Variants in PDZD7 observed in about 807,000 individuals in gnomAD.
PDZD7 encodes the protein PDZ domain-containing protein 7.
In PDZD7, 72 loss-of-function variants were observed where a neutral mutation model predicts 84.7. The ratio of observed to expected loss-of-function variants is 0.85; its 90% confidence interval spans 0.70 to 1.03. The LOEUF is 1.03. PDZD7 is among the 50% of genes least tolerant of loss of function. The probability of loss-of-function intolerance (pLI) is 0.00; values close to 1 mark genes in which losing one functional copy is unlikely to be tolerated. For missense variants in PDZD7, 1,490 were observed against 1,412.9 expected (o/e 1.05, Z -0.87); for synonymous variants, 594 against 580.7 (o/e 1.02, Z -0.33).
chr10:101,010,556 C>CTGCGGT lies in PDZD7; in HGVS notation c.2332_2333insACCGCA (p.Arg777_Ser778insAsnArg), dbSNP rs756272628. The CTGCGGT allele has an allele frequency of 6.7e-7, 1 of 1,491,748 alleles. No homozygotes were observed. Among genetic ancestry groups the CTGCGGT allele is most frequent in the Non-Finnish European group, 9.0e-7 (1 of 1,109,538 alleles). The allele number at this position is 1,491,748 out of a possible 1,614,324, so 92.4% of individuals were successfully genotyped here. Reference sequence around the variant, plus strand: ...CCGGCTGCTGCGGCTGCGGCTGCGGCTACGGCTGCGGCTACGGCTCTGAGC... The same window carrying CTGCGGT: ...CCGGCTGCTGCGGCTGCGGCTGCGGCTGCGGTTACGGCTGCGGCTACGGCTCTGAGC... On this transcript the variant is annotated inframe_insertion, in exon 15 of 17. Coordinates refer to ENST00000619208, the MANE Select transcript of PDZD7 (RefSeq NM_001195263.2).
At chr10:101,017,845 A>AAGAG (rs1491313324) in intron 9 of PDZD7, 1 of 320,624 alleles carries the variant, frequency 3.1e-6, no homozygotes, top group African/African-American at 4.6e-5. Flanking sequence ...GAAGGAAAGA[A>AAGAG]AGAAAGAAAG....
At chr10:101,030,458 C>T (rs917770991) in intron 1 of PDZD7, 74 bp from the exon 2 acceptor site, 14 of 649,496 alleles carry the variant, frequency 2.2e-5, no homozygotes, top group African/African-American at 1.6e-4. Context: ...TCCACCCCTC[C>T]CCCTGGTTTA....
chr10:101,010,834 C>T lies in PDZD7; in HGVS notation c.2055G>A (p.Glu685=). ...YLLPVNGFPE[E]EDNGELRERL... Reference sequence around the variant, plus strand: ...GCTCCCTCAGCTCCCCATTATCTTCCTCTTCCGGGAAGCCGTTCACCGGCA... The same window carrying T: ...GCTCCCTCAGCTCCCCATTATCTTCTTCTTCCGGGAAGCCGTTCACCGGCA... Residue 685 remains glutamate, a synonymous_variant, in exon 15 of 17, where the codon GAG becomes GAA. Transcript: ENST00000619208. 6.5e-7 allele frequency: 1 copy of T among 1,535,042 alleles called. No homozygotes were observed. The highest frequency in any genetic ancestry group is 8.7e-7 in the Non-Finnish European group (1 of 1,146,904).
At chr10:101,021,734 C>G in intron 6 of PDZD7, 64 bp downstream of exon 6, 1 of 1,609,770 alleles carries the variant, frequency 6.2e-7, no homozygotes, top group Non-Finnish European at 8.5e-7. Flanking sequence ...TTATTAAGAA[C>G]TAGGGTGGTC....
intron 2 of PDZD7, among the ~76,000 whole-genome samples, chr10:101,029,249 T>C (rs1365897499): frequency 6.6e-6 from 1 of 152,216 alleles, no homozygotes; most frequent in African/African-American, 2.4e-5. Flanking sequence ...TTCCAGCCTT[T>C]GTTGGTGACA....
intron 10 of PDZD7, 31 bp from the exon 11 acceptor site, chr10:101,015,842 GA>G: frequency 6.5e-7 from 1 of 1,533,298 alleles, no homozygotes; most frequent in African/African-American, 1.4e-5. Flanking sequence ...GGGGAGGGGA[GA>G]GGGGCTTCCC....
At position 101,030,278 on chromosome 10, in the gene PDZD7, G is replaced by C. The variant is rs1237351429; in HGVS notation, c.-59C>G. 6.9e-7 allele frequency: 1 copy of C among 1,447,206 alleles called. No individual in the cohort carries two copies. Among genetic ancestry groups the C allele is most frequent in the Admixed American group, 2.0e-5 (1 of 51,080 alleles). 89.6% of individuals were successfully genotyped at this position (1,447,206 alleles called of 1,614,324 possible). A position where few individuals can be genotyped will look rare whatever the true frequency, so the allele number is the denominator to read the frequency against. ...AGAAGGAATCTGCTAGCTCTGGAGA[G>C]GCCAGCCCTGCGTGCTTCGAGCTCC... On this transcript the variant is annotated 5_prime_UTR_variant, in exon 2 of 17. Coordinates refer to ENST00000619208, the MANE Select transcript of PDZD7 (RefSeq NM_001195263.2).
chr10:101,025,357 G>A (rs1164669906), intron 2 of PDZD7, among the ~76,000 whole-genome samples: 1 of 150,036 alleles, frequency 6.7e-6, no homozygotes, highest in African/African-American at 2.5e-5. Context: ...TTACAGGCGT[G>A]TGCCACCACA....
Position 101,025,520 on chromosome 10 carries a change from G to A in PDZD7, c.227-1452C>T, listed in dbSNP as rs1332909677. On this transcript the variant is annotated intron_variant, in intron 2 of 16. Transcript: ENST00000619208. ...ACCACCCCAGCCTTGAAATGGAAGGGATTTTATTTATTTATTTATTTATTT... is the reference window on the plus strand; with the variant it reads ...ACCACCCCAGCCTTGAAATGGAAGGAATTTTATTTATTTATTTATTTATTT... Among the ~76,000 whole-genome samples, 3 of 120,970 alleles carry A rather than the reference G, an allele frequency of 2.5e-5. No homozygotes were observed. In the Admixed American group the frequency reaches 2.5e-4, roughly 10 times the overall value. 79.4% of individuals were successfully genotyped at this position (120,970 alleles called of 152,430 possible).
At chr10:101,019,523 CCCTTCT>C (rs987130751) in intron 7 of PDZD7, among the ~76,000 whole-genome samples, 1 of 133,078 alleles carries the variant, frequency 7.5e-6, no homozygotes, top group Non-Finnish European at 1.7e-5. Flanking sequence ...TTTCTGCTTC[CCCTTCT>C]GCTTCTGCTT....
In PDZD7 at chr10:101,010,565, C is replaced by A; in HGVS notation, c.2324G>T (p.Arg775Leu). 1 of 1,487,236 alleles carries A rather than the reference C, an allele frequency of 6.7e-7. No homozygotes were observed. Among genetic ancestry groups the A allele is most frequent in the South Asian group, 1.2e-5 (1 of 81,980 alleles). 92.1% of individuals were successfully genotyped at this position (1,487,236 alleles called of 1,614,324 possible). A position where few individuals can be genotyped will look rare whatever the true frequency, so the allele number is the denominator to read the frequency against. Reference sequence around the variant, plus strand: ...GCGGCTGCGGCTGCGGCTACGGCTGCGGCTACGGCTCTGAGCCCGGCCCCG... The same window carrying A: ...GCGGCTGCGGCTGCGGCTACGGCTGAGGCTACGGCTCTGAGCCCGGCCCCG... ...QIRGRAQSRSRSRSRSRSRSS... is the reference protein window; with the variant it reads ...QIRGRAQSRSLSRSRSRSRSS... The change falls in exon 15 of 17, where the codon CGC becomes CTC. Residue 775 changes from arginine to leucine, a missense_variant. Arg to Leu is a moderately radical substitution (Grantham distance 102, BLOSUM62 -2). Transcript: ENST00000619208.
intron 10 of PDZD7, 61 bp from the exon 11 acceptor site, chr10:101,015,872 A>C: frequency 2.0e-6 from 3 of 1,493,118 alleles, no homozygotes; most frequent in Middle Eastern, 2.4e-4. Context: ...GCTGGGCCCC[A>C]GAATTGGCCA....
chr10:101,014,671 G>GACAGACACAC (rs113040405), intron 11 of PDZD7, among the ~76,000 whole-genome samples: 2 of 149,042 alleles, frequency 1.3e-5, no homozygotes, highest in Non-Finnish European at 1.5e-5. Flanking sequence ...ACAATGCATG[G>GACAGACACAC]ACACACACAC....
At chr10:101,022,996 T>G (rs940824608) in intron 4 of PDZD7, 5 of 212,380 alleles carry the variant, frequency 2.4e-5, no homozygotes, top group African/African-American at 1.3e-4. Flanking sequence ...GGTCTTGAAC[T>G]CCCAACCTCA....
rs775544404 is a variant in PDZD7, at chr10:101,030,021, C to G, written c.199G>C (p.Val67Leu). The G allele has an allele frequency of 6.3e-7, 1 of 1,596,192 alleles. No individual in the cohort carries two copies. The highest frequency in any genetic ancestry group is 8.6e-7 in the Non-Finnish European group (1 of 1,168,802). Residue 67 changes from valine (V) to leucine (L), a missense_variant, in exon 2 of 17, where the codon GTC (valine) becomes CTC (leucine). Transcript: ENST00000619208. ...GIRASSPMGR[V>L]ILINSPIEAN... ...TCGATGGGGGAGTTGATGAGGATGA[C>G]GCGTCCCATGGGCGATGAGGCTCGG...
intron 6 of PDZD7, among the ~76,000 whole-genome samples, 159 bp downstream of exon 6, chr10:101,021,639 C>T (rs1442069929): frequency 6.6e-6 from 1 of 152,194 alleles, no homozygotes; most frequent in Non-Finnish European, 1.5e-5. Flanking sequence ...CCTCTCTAAA[C>T]CTGTTTCTTC....
At chr10:101,025,311 G>A (rs1358710761) in intron 2 of PDZD7, among the ~76,000 whole-genome samples, 1 of 152,056 alleles carries the variant, frequency 6.6e-6, no homozygotes, top group African/African-American at 2.4e-5. Context: ...CCAGGTTTAA[G>A]TGATTCTCCT....
At chr10:101,014,667 C>T (rs1481823143) in intron 11 of PDZD7, among the ~76,000 whole-genome samples, 2 of 97,696 alleles carry the variant, frequency 2.0e-5, no homozygotes, top group African/African-American at 4.4e-5. Flanking sequence ...GGTGACAATG[C>T]ATGGACACAC....
rs983846945 is a variant in PDZD7 at position 101,010,475 on chromosome 10, G to A, written c.2414C>T (p.Pro805Leu). The A allele has an allele frequency of 1.3e-6, 2 of 1,535,534 alleles. No homozygotes were observed. Among genetic ancestry groups the A allele is most frequent in the African/African-American group, 2.7e-5 (2 of 73,020 alleles). ...RSPSPVPTPAPSMTNGRYHKP... is the reference protein window; with the variant it reads ...RSPSPVPTPALSMTNGRYHKP... ...GTGGTAGCGCCCATTGGTCATGCTG[G>A]GGGCAGGGGTAGGCACCGGGGATGG... The change falls in exon 15 of 17, where the codon CCC (proline) becomes CTC (leucine). Residue 805 changes from proline to leucine, a missense_variant. Coordinates refer to ENST00000619208, the MANE Select transcript of PDZD7 (RefSeq NM_001195263.2).
Sources: gnomAD v4.1 joint callset for allele counts (sites outside exome capture counted in the v4.1 genomes callset) on GRCh38, gnomAD v4.1.1 for gene constraint, MANE v1.5 for transcripts, NCBI Gene and HGNC (gene_info 2026-07-23, HGNC 2026-07-21) for gene names.